CFAP299: variants seen among roughly 807,000 people sequenced by gnomAD.
CFAP299 encodes cilia- and flagella-associated protein 299.
CFAP299 carries 21 observed loss-of-function variants against 27.0 expected under a neutral mutation model. The observed-to-expected ratio is 0.78, with a 90% CI of 0.55 to 1.12. CFAP299 has a LOEUF of 1.12. Ranked by LOEUF, CFAP299 falls within the 50% of genes most tolerant of loss-of-function variation. The pLI is 0.00. For synonymous variants in CFAP299, 104 were observed against 98.1 expected (o/e 1.06, Z -0.36); for missense variants, 310 against 276.6 (o/e 1.12, Z -0.86).
intron 3 of CFAP299, among the ~76,000 whole-genome samples, chr4:80,800,620 A>T (rs1281037844): frequency 9.8e-6 from 1 of 101,644 alleles, no homozygotes; most frequent in Non-Finnish European, 1.8e-5. Context: ...ATAATATATA[A>T]TATATTAATA....
intron 3 of CFAP299, among the ~76,000 whole-genome samples, chr4:80,808,947 CAG>C (rs1301043007): frequency 6.6e-6 from 1 of 152,032 alleles, no homozygotes; most frequent in African/African-American, 2.4e-5. Context: ...AGAGAAAATG[CAG>C]AGAGATTTTC....
intron 3 of CFAP299, among the ~76,000 whole-genome samples, chr4:80,611,792 T>A (rs900853290): frequency 2.0e-5 from 3 of 152,068 alleles, no homozygotes; most frequent in African/African-American, 7.2e-5. Context: ...CTGAATATGT[T>A]ACCTGAAAAC....
At chr4:80,937,312 C>CT (rs70956081) in intron 4 of CFAP299, among the ~76,000 whole-genome samples, 911 of 68,630 alleles carry the variant, frequency 0.013, 79 homozygotes, top group East Asian at 0.11. Context: ...TTTTTTCTTT[C>CT]TTTTTTTTTT....
At chr4:80,794,870 T>C (rs77659723) in intron 3 of CFAP299, among the ~76,000 whole-genome samples, 1,891 of 152,256 alleles carry the variant, frequency 0.012, 35 homozygotes, top group African/African-American at 0.043. Flanking sequence ...CCCCAAGGAA[T>C]GGTGCCATAT....
chr4:80,893,920 G>A (rs1425655236), intron 4 of CFAP299, among the ~76,000 whole-genome samples: 1 of 151,798 alleles, frequency 6.6e-6, no homozygotes, highest in East Asian at 1.9e-4. Flanking sequence ...GCAGAATAAA[G>A]ACACAATCTA....
intron 3 of CFAP299, among the ~76,000 whole-genome samples, chr4:80,775,028 AC>A (rs1349066767): frequency 5.3e-5 from 8 of 151,850 alleles, no homozygotes; most frequent in Non-Finnish European, 1.0e-4. Context: ...CACAATGTGC[AC>A]ATGTACCCTA....
chr4:80,371,091 C>T (rs1724126586), intron 2 of CFAP299, among the ~76,000 whole-genome samples: 1 of 152,226 alleles, frequency 6.6e-6, no homozygotes, highest in African/African-American at 2.4e-5. Flanking sequence ...ACTTGTAGTC[C>T]TAACACCACA....
At chr4:80,443,712 A>G (rs1309286387) in intron 2 of CFAP299, among the ~76,000 whole-genome samples, 2 of 152,200 alleles carry the variant, frequency 1.3e-5, no homozygotes, top group Admixed American at 6.5e-5. Context: ...AATAAAGGGT[A>G]TTCAAATAGG....
chr4:80,657,081 T>C (rs1740594983), intron 3 of CFAP299, among the ~76,000 whole-genome samples: 2 of 152,144 alleles, frequency 1.3e-5, no homozygotes. Flanking sequence ...TATTTGTTTT[T>C]TTTTTCTTGT....
chr4:80,953,688 T>C (rs1417873026), intron 5 of CFAP299, among the ~76,000 whole-genome samples: 1 of 152,168 alleles, frequency 6.6e-6, no homozygotes, highest in Non-Finnish European at 1.5e-5. Context: ...CATGAACTCA[T>C]ATATGAACTG....
intron 4 of CFAP299, among the ~76,000 whole-genome samples, chr4:80,912,211 A>G (rs1413775137): frequency 1.3e-5 from 2 of 152,164 alleles, no homozygotes; most frequent in African/African-American, 4.8e-5. Flanking sequence ...TGAAAAAGAA[A>G]TATAAGATAT....
intron 1 of CFAP299, among the ~76,000 whole-genome samples, chr4:80,342,197 G>A (rs1349448479): frequency 6.6e-6 from 1 of 152,110 alleles, no homozygotes; most frequent in Non-Finnish European, 1.5e-5. Context: ...GACTGATTGG[G>A]GTACCTGAAA....
At chr4:80,800,848 A>G (rs1728546975) in intron 3 of CFAP299, among the ~76,000 whole-genome samples, 1 of 146,558 alleles carries the variant, frequency 6.8e-6, no homozygotes, top group Admixed American at 7.2e-5. Flanking sequence ...ACAATAGGCC[A>G]TCTGCAAGCT....
intron 5 of CFAP299, among the ~76,000 whole-genome samples, chr4:80,956,214 G>T (rs891910438): frequency 6.6e-6 from 1 of 152,120 alleles, no homozygotes; most frequent in African/African-American, 2.4e-5. Context: ...TAAAGCTTTA[G>T]ATAGATATTG....
intron 3 of CFAP299, among the ~76,000 whole-genome samples, chr4:80,642,854 G>A (rs1739801269): frequency 6.6e-6 from 1 of 152,248 alleles, no homozygotes; most frequent in Non-Finnish European, 1.5e-5. Context: ...AAATGCTGGG[G>A]TATTCAGCAG....
chr4:80,475,128 A>G (rs1730211097), intron 2 of CFAP299, among the ~76,000 whole-genome samples: 2 of 152,138 alleles, frequency 1.3e-5, no homozygotes, highest in Admixed American at 1.3e-4. Context: ...GCTCGGGCAG[A>G]GGGAGAGAGG....
chr4:80,406,397 A>G (rs1726420931), intron 2 of CFAP299, among the ~76,000 whole-genome samples: 1 of 152,098 alleles, frequency 6.6e-6, no homozygotes, highest in South Asian at 2.1e-4. Flanking sequence ...GACAAGGCTC[A>G]CTCTGTCACC....
chr4:80,687,998 G>A (rs927628305), intron 3 of CFAP299, among the ~76,000 whole-genome samples: 4 of 152,292 alleles, frequency 2.6e-5, no homozygotes, highest in Admixed American at 6.5e-5. Flanking sequence ...AAAAAACGGC[G>A]CACCAGGAGA....
intron 3 of CFAP299, among the ~76,000 whole-genome samples, chr4:80,616,123 G>A (rs1738259603): frequency 6.6e-6 from 1 of 152,084 alleles, no homozygotes; most frequent in African/African-American, 2.4e-5. Context: ...ATCACAGGCT[G>A]TTTCCATGTA....
Sources: allele counts gnomAD v4.1 joint callset (sites outside exome capture counted in the v4.1 genomes callset), GRCh38; gene constraint gnomAD v4.1.1; transcripts MANE v1.5; gene names NCBI Gene and HGNC (gene_info 2026-07-23, HGNC 2026-07-21).